Variants in MALRD1 observed in about 807,000 individuals in gnomAD.
The protein encoded by MALRD1 is MAM and LDL receptor class A domain containing 1, also known as MAM and LDL-receptor class A domain-containing protein 1.
In MALRD1, 247 loss-of-function variants were observed where a neutral mutation model predicts 242.1. The observed-to-expected ratio is 1.02, with a 90% CI of 0.92 to 1.13. The LOEUF is 1.13. Ranked by LOEUF, MALRD1 falls within the 50% of genes most tolerant of loss-of-function variation. The pLI is 0.00. For missense variants in MALRD1, 2,989 were observed against 2,533.1 expected (o/e 1.18, Z -3.86); for synonymous variants, 995 against 866.6 (o/e 1.15, Z -2.60).
chr10:19,715,250 G>A (rs1397785446), intron 38 of MALRD1, among the ~76,000 whole-genome samples: 1 of 151,704 alleles, frequency 6.6e-6, no homozygotes, highest in Admixed American at 6.6e-5. Flanking sequence ...CTTTTCTTAA[G>A]GTGGGTTATA....
intron 31 of MALRD1, among the ~76,000 whole-genome samples, chr10:19,509,161 T>G (rs1459945573): frequency 6.6e-6 from 1 of 152,162 alleles, no homozygotes; most frequent in Admixed American, 6.5e-5. Context: ...TTAGACAAAT[T>G]ACGTTTAGCA....
intron 36 of MALRD1, among the ~76,000 whole-genome samples, chr10:19,665,494 A>G (rs1393475829): frequency 6.6e-6 from 1 of 152,134 alleles, no homozygotes; most frequent in African/African-American, 2.4e-5. Flanking sequence ...AGGGAATGGT[A>G]GAGTTCATTC....
At chr10:19,378,384 G>GT (rs1211494145) in intron 26 of MALRD1, among the ~76,000 whole-genome samples, 3 of 152,116 alleles carry the variant, frequency 2.0e-5, no homozygotes, top group Non-Finnish European at 2.9e-5. Context: ...CTATACCACT[G>GT]TATCAACAAA....
chr10:19,261,913 AT>A, intron 19 of MALRD1, among the ~76,000 whole-genome samples: 1 of 152,094 alleles, frequency 6.6e-6, no homozygotes, highest in African/African-American at 2.4e-5. Context: ...ACTGCAAGAT[AT>A]TTCTCGGACC....
intron 33 of MALRD1, among the ~76,000 whole-genome samples, chr10:19,586,485 G>A (rs531294285): frequency 2.1e-4 from 32 of 152,258 alleles, no homozygotes; most frequent in South Asian, 6.2e-4. Context: ...GTACCCGGCC[G>A]TGTGAGGTGT....
intron 1 of MALRD1, among the ~76,000 whole-genome samples, chr10:19,060,764 G>GT (rs1240131959): frequency 2.0e-5 from 3 of 152,182 alleles, no homozygotes; most frequent in African/African-American, 7.2e-5. Context: ...GAAAAACACT[G>GT]TTTTTAAGAT....
At chr10:19,343,484 T>A (rs1330958576) in intron 24 of MALRD1, among the ~76,000 whole-genome samples, 1 of 152,126 alleles carries the variant, frequency 6.6e-6, no homozygotes, top group Non-Finnish European at 1.5e-5. Flanking sequence ...GAGCTACTTC[T>A]TTATAGTCAA....
At chr10:19,244,299 G>C (rs778168478) in intron 18 of MALRD1, among the ~76,000 whole-genome samples, 1 of 152,110 alleles carries the variant, frequency 6.6e-6, no homozygotes, top group Admixed American at 6.6e-5. Context: ...GTTGCTGGGC[G>C]TAGTGGCTGT....
intron 28 of MALRD1, 118 bp downstream of exon 28, chr10:19,389,727 A>G: frequency 9.2e-7 from 1 of 1,086,594 alleles, no homozygotes. Flanking sequence ...GCAGCCTCCA[A>G]CTCCTGGACT....
chr10:19,157,795 G>A (rs1222889275), intron 12 of MALRD1, among the ~76,000 whole-genome samples: 1 of 152,046 alleles, frequency 6.6e-6, no homozygotes, highest in East Asian at 1.9e-4. Context: ...AATCCTAGCA[G>A]ACTAATACAG....
At position 19,657,673 on chromosome 10, in the gene MALRD1, G is replaced by A. The variant is rs148276723; in HGVS notation, c.6138-34609G>A. ...GAGAATTGGGTATCCATCACCTCAA[G>A]CATTTATGTTTTGAGATAAACAACC... On this transcript the variant is annotated intron_variant, in intron 36 of 39. Coordinates refer to ENST00000454679, the MANE Select transcript of MALRD1 (RefSeq NM_001142308.3). Among the ~76,000 whole-genome samples, 1,433 of 152,042 alleles carry A rather than the reference G, an allele frequency of 9.4e-3. 23 individuals are homozygous for A. Among genetic ancestry groups the A allele is most frequent in the African/African-American group, 0.032 (1,345 of 41,476 alleles).
intron 30 of MALRD1, among the ~76,000 whole-genome samples, chr10:19,495,749 C>A (rs1837686474): frequency 6.6e-6 from 1 of 152,064 alleles, no homozygotes; most frequent in Non-Finnish European, 1.5e-5. Flanking sequence ...TGTAAATAGG[C>A]AAAATGCCCC....
intron 36 of MALRD1, among the ~76,000 whole-genome samples, chr10:19,616,223 T>C (rs1214987222): frequency 6.6e-6 from 1 of 152,034 alleles, no homozygotes; most frequent in African/African-American, 2.4e-5. Context: ...TTTTAAAAGA[T>C]ATTTTTCTGA....
intron 13 of MALRD1, 58 bp from the exon 14 acceptor site, chr10:19,175,150 T>A: frequency 8.6e-7 from 1 of 1,162,858 alleles, no homozygotes; most frequent in Non-Finnish European, 1.1e-6. Context: ...AGAAATATGA[T>A]TGTAAGACAT....
chr10:19,728,873 A>G (rs1835162035), intron 38 of MALRD1, among the ~76,000 whole-genome samples: 1 of 152,198 alleles, frequency 6.6e-6, no homozygotes, highest in Non-Finnish European at 1.5e-5. Flanking sequence ...CGAGAATTTA[A>G]CATAGACTAG....
rs371475601 is a variant in MALRD1, at chr10:19,088,297, G to A, written c.597+112G>A. 1.6e-5 allele frequency: 15 copies of A among 962,978 alleles called. No individual in the cohort carries two copies. The East Asian group carries it at 4.6e-4, about 30-fold the overall frequency. 59.7% of individuals were successfully genotyped at this position (962,978 alleles called of 1,614,324 possible). A position where few individuals can be genotyped will look rare whatever the true frequency, so the allele number is the denominator to read the frequency against. On this transcript the variant is annotated intron_variant, in intron 4 of 39. Transcript: ENST00000454679. ...TGTCCCAGTTTGCCAGGGACTGAGG[G>A]ATTTCCCAGGACTTTCAAATGCTGA...
chr10:19,560,530 C>G (rs1302078115), intron 32 of MALRD1, among the ~76,000 whole-genome samples: 1 of 152,090 alleles, frequency 6.6e-6, no homozygotes, highest in Non-Finnish European at 1.5e-5. Flanking sequence ...TATTGCAGCA[C>G]TATTCCCAAT....
chr10:19,125,102 T>C (rs980827722), intron 7 of MALRD1, among the ~76,000 whole-genome samples: 1 of 151,396 alleles, frequency 6.6e-6, no homozygotes, highest in East Asian at 2.0e-4. Flanking sequence ...CGTGCTACCA[T>C]GCCTGGCTAA....
intron 14 of MALRD1, among the ~76,000 whole-genome samples, chr10:19,178,291 A>G (rs532551601): frequency 6.6e-6 from 1 of 152,258 alleles, no homozygotes; most frequent in African/African-American, 2.4e-5. Flanking sequence ...GGCATTTCTT[A>G]TTGTTTTTGC....
Sources: allele counts gnomAD v4.1 joint callset (sites outside exome capture counted in the v4.1 genomes callset), GRCh38; gene constraint gnomAD v4.1.1; transcripts MANE v1.5; gene names NCBI Gene and HGNC (gene_info 2026-07-23, HGNC 2026-07-21).